Variants in OCA2 observed in about 807,000 individuals in gnomAD.
The protein encoded by OCA2 is OCA2 melanosomal transmembrane protein.
A neutral mutation model predicts 100.2 loss-of-function variants in OCA2; 77 were observed. That is an observed-to-expected ratio of 0.77 (90% confidence interval 0.64 to 0.93). OCA2 has a LOEUF of 0.93. Among genes scored for constraint, OCA2 ranks in the 40% least tolerant of loss-of-function variants. The probability of loss-of-function intolerance (pLI) is 0.00; values close to 1 mark genes in which losing one functional copy is unlikely to be tolerated. For synonymous variants in OCA2, 432 were observed against 439.2 expected, an observed-to-expected ratio of 0.98 and a Z score of 0.21; for missense variants, 1,062 against 1,089.1, an observed-to-expected ratio of 0.98 and a Z score of 0.35.
chr15:27,827,243 C>A (rs1398787296), intron 23 of OCA2, among the ~76,000 whole-genome samples: 1 of 152,192 alleles, frequency 6.6e-6, no homozygotes, highest in Admixed American at 6.5e-5. Flanking sequence ...GCAGGAGTCA[C>A]ACAACGCGAG....
chr15:27,997,685 T>G (rs2041795461), intron 9 of OCA2, among the ~76,000 whole-genome samples: 1 of 123,016 alleles, frequency 8.1e-6, no homozygotes, highest in South Asian at 2.4e-4. Context: ...CCATATGAAC[T>G]TTAAAGTAGT....
intron 19 of OCA2, among the ~76,000 whole-genome samples, chr15:27,916,348 C>G (rs991631042): frequency 1.3e-5 from 2 of 152,028 alleles, no homozygotes; most frequent in African/African-American, 2.4e-5. Flanking sequence ...ACCCAAAATG[C>G]AAATTGGAAA....
the OCA2 span, among the ~76,000 whole-genome samples, chr15:27,732,449 G>A: frequency 1.3e-5 from 2 of 152,148 alleles, no homozygotes; most frequent in African/African-American, 2.4e-5. Context: ...GCAAAGCCAC[G>A]ATGGAAGACC....
intron 2 of OCA2, among the ~76,000 whole-genome samples, chr15:28,039,530 C>T (rs1278469128): frequency 1.3e-5 from 2 of 152,186 alleles, no homozygotes; most frequent in African/African-American, 4.8e-5. Context: ...AATTAAACAA[C>T]ATACTCTTAA....
At chr15:28,029,587 G>T (rs1160131203) in intron 3 of OCA2, among the ~76,000 whole-genome samples, 1 of 152,130 alleles carries the variant, frequency 6.6e-6, no homozygotes, top group East Asian at 1.9e-4. Context: ...CTGAAGAAGT[G>T]AATTTTTAAT....
At position 27,955,215 on chromosome 15, in the gene OCA2, T is replaced by C. The variant is rs141159640; in HGVS notation, c.1785A>G (p.Arg595=). The change falls in exon 17 of 24, where the codon AGA becomes AGG. Residue 595 remains arginine, a splice_region_variant and synonymous_variant. Transcript: ENST00000354638. ...LLARRLHTFH[R]QISQEDKNWE... is the part of the protein sequence containing the mutation. ...AATTTTTGTCCTCCTGTGAGATCTGTCTAAAAGAGAAAAGAAGAGACTCAT... is the reference window on the plus strand; with the variant it reads ...AATTTTTGTCCTCCTGTGAGATCTGCCTAAAAGAGAAAAGAAGAGACTCAT... The C allele has an allele frequency of 6.2e-7, 1 of 1,608,528 alleles. No homozygotes were observed. Among genetic ancestry groups the C allele is most frequent in the Non-Finnish European group, 8.5e-7 (1 of 1,174,880 alleles).
At chr15:28,095,196 C>A (rs1320141081) in intron 1 of OCA2, among the ~76,000 whole-genome samples, 3 of 152,170 alleles carry the variant, frequency 2.0e-5, no homozygotes, top group African/African-American at 7.2e-5. Context: ...GGTGGGTCTG[C>A]GGGACTCGGA....
the OCA2 span, among the ~76,000 whole-genome samples, chr15:27,721,856 A>G: frequency 6.6e-6 from 1 of 152,088 alleles, no homozygotes; most frequent in Non-Finnish European, 1.5e-5. Context: ...TTCTTTAGAG[A>G]AAATATGGTG....
chr15:27,879,540 T>C (rs975237223), intron 19 of OCA2, among the ~76,000 whole-genome samples: 17 of 152,172 alleles, frequency 1.1e-4, no homozygotes, highest in Non-Finnish European at 1.5e-4. Flanking sequence ...TTTTAAATAA[T>C]TGCCATTCTG....
intron 18 of OCA2, among the ~76,000 whole-genome samples, chr15:27,945,845 T>C (rs557242914): frequency 6.6e-6 from 1 of 152,300 alleles, no homozygotes; most frequent in South Asian, 2.1e-4. Context: ...AAACAGCTCA[T>C]CAAGGCTCTG....
rs76347949 is a variant in OCA2 at position 27,842,840 on chromosome 15, G to A, written c.2432+2119C>T. Among the ~76,000 whole-genome samples the A allele has an allele frequency of 2.9e-3, 447 of 152,126 alleles. 4 individuals carry two copies. Among genetic ancestry groups the A allele is most frequent in the African/African-American group, 0.01 (415 of 41,486 alleles). The stretch of plus-strand genomic sequence containing the variant: ...ACTGCACACACGCACACACACACAC[G>A]CATAGGTGTGTCACACACTGCACAC... On this transcript the variant is annotated intron_variant, in intron 23 of 23. Transcript: ENST00000354638.
the OCA2 span, among the ~76,000 whole-genome samples, chr15:27,738,080 CAT>C: frequency 6.6e-6 from 1 of 152,134 alleles, no homozygotes; most frequent in East Asian, 1.9e-4. Flanking sequence ...TATAAAGTAA[CAT>C]AATCTCTTTA....
chr15:27,753,512 T>C (rs1566935452), downstream of OCA2, among the ~76,000 whole-genome samples: 1 of 151,954 alleles, frequency 6.6e-6, no homozygotes, highest in Non-Finnish European at 1.5e-5. Flanking sequence ...GTCGGGTGGA[T>C]CACGAGGTCA....
intron 1 of OCA2, among the ~76,000 whole-genome samples, chr15:28,095,990 G>T (rs796539463): frequency 1.3e-5 from 2 of 152,310 alleles, no homozygotes; most frequent in African/African-American, 4.8e-5. Context: ...GCGAGAAACC[G>T]CCCCTGGCTA....
In OCA2 at chr15:28,054,509, G is replaced by A. The variant is rs1004484843; in HGVS notation, c.228-22346C>T. Among the ~76,000 whole-genome samples the A allele has an allele frequency of 6.6e-5, 10 of 152,234 alleles. 1 individual carries two copies. The highest frequency in any genetic ancestry group is 1.3e-4 in the Admixed American group (2 of 15,292). On this transcript the variant is annotated intron_variant, in intron 2 of 23. Transcript: ENST00000354638. ...TCTTGACTGGCTCCAGAGCCTGGCCGGCTCTGCCCTGACACAGGGCCCAAA... is the reference window on the plus strand; with the variant it reads ...TCTTGACTGGCTCCAGAGCCTGGCCAGCTCTGCCCTGACACAGGGCCCAAA...
chr15:28,051,168 G>A (rs138421948), intron 2 of OCA2, among the ~76,000 whole-genome samples: 91 of 152,324 alleles, frequency 6.0e-4, no homozygotes, highest in African/African-American at 2.2e-3. Context: ...TGTGGAGGGC[G>A]CTGGCCTCAA....
At chr15:27,980,046 C>A (rs2041104262) in intron 14 of OCA2, among the ~76,000 whole-genome samples, 1 of 151,522 alleles carries the variant, frequency 6.6e-6, no homozygotes, top group Admixed American at 6.6e-5. Context: ...CCCTTCCAGG[C>A]TTTATTTTAT....
At chr15:28,096,156 T>A (rs2044977265) in intron 1 of OCA2, among the ~76,000 whole-genome samples, 1 of 149,148 alleles carries the variant, frequency 6.7e-6, no homozygotes, top group East Asian at 2.0e-4. Context: ...GGGAGGTGGC[T>A]GGTCTCGGGG....
chr15:28,070,868 A>G (rs542922719), intron 2 of OCA2, among the ~76,000 whole-genome samples: 2 of 140,850 alleles, frequency 1.4e-5, no homozygotes, highest in South Asian at 2.4e-4. Flanking sequence ...CTTACCCCCA[A>G]CCCTGTGCTC....
Sources: allele counts gnomAD v4.1 joint callset (sites outside exome capture counted in the v4.1 genomes callset), GRCh38; gene constraint gnomAD v4.1.1; transcripts MANE v1.5; gene names NCBI Gene and HGNC (gene_info 2026-07-23, HGNC 2026-07-21).